PRR16: variants seen among roughly 807,000 people sequenced by gnomAD.
PRR16 encodes the protein protein Largen.
PRR16 carries 6 observed loss-of-function variants against 18.2 expected under a neutral mutation model. The ratio of observed to expected loss-of-function variants is 0.33; its 90% CI spans 0.18 to 0.65. The LOEUF is 0.65. Ranked by LOEUF, PRR16 falls within the 30% of genes least tolerant of loss-of-function variation. The pLI is 0.74. For missense variants in PRR16, 412 were observed against 376.6 expected (o/e 1.09, Z -0.78); for synonymous variants, 151 against 147.8 (o/e 1.02, Z -0.16).
intron 1 of PRR16, among the ~76,000 whole-genome samples, chr5:120,662,415 CAGT>C (rs778227280): frequency 2.2e-4 from 33 of 152,042 alleles, no homozygotes; most frequent in Non-Finnish European, 3.8e-4. Flanking sequence ...ATTAGTTTGT[CAGT>C]AGTACTATTC....
At chr5:120,761,775 A>G in the PRR16 span, among the ~76,000 whole-genome samples, 3 of 152,082 alleles carry the variant, frequency 2.0e-5, no homozygotes, top group Non-Finnish European at 4.4e-5. Flanking sequence ...GTTGTTAACA[A>G]TACTCACCCT....
chr5:120,573,968 T>C (rs1373105874), intron 1 of PRR16, among the ~76,000 whole-genome samples: 2 of 151,886 alleles, frequency 1.3e-5, no homozygotes, highest in East Asian at 3.9e-4. Context: ...GATATAATTC[T>C]AAAAGTGAAC....
At chr5:120,521,514 A>G (rs958004017) in intron 1 of PRR16, among the ~76,000 whole-genome samples, 2 of 151,956 alleles carry the variant, frequency 1.3e-5, no homozygotes, top group Non-Finnish European at 2.9e-5. Context: ...CTTTTTATTT[A>G]TAATTGGCAC....
intron 1 of PRR16, among the ~76,000 whole-genome samples, chr5:120,562,103 C>T (rs907502765): frequency 1.3e-5 from 2 of 152,020 alleles, no homozygotes; most frequent in Non-Finnish European, 2.9e-5. Context: ...ATTATTGTAT[C>T]GAAGTCTATC....
At chr5:120,713,854 C>T in the PRR16 span, among the ~76,000 whole-genome samples, 1 of 151,968 alleles carries the variant, frequency 6.6e-6, no homozygotes, top group Admixed American at 6.6e-5. Flanking sequence ...TTTAGAGTGC[C>T]ATGAAAGCAT....
chr5:120,719,583 G>A, the PRR16 span, among the ~76,000 whole-genome samples: 1 of 152,028 alleles, frequency 6.6e-6, no homozygotes, highest in South Asian at 2.1e-4. Flanking sequence ...TTTTTGAATA[G>A]TACGATGATT....
the PRR16 span, among the ~76,000 whole-genome samples, chr5:120,720,465 T>C: frequency 6.6e-6 from 1 of 152,048 alleles, no homozygotes; most frequent in Admixed American, 6.6e-5. Context: ...ATTCTTGAAA[T>C]GTCAGAGAAT....
At chr5:120,477,547 C>T (rs557525133) in intron 1 of PRR16, among the ~76,000 whole-genome samples, 1 of 152,320 alleles carries the variant, frequency 6.6e-6, no homozygotes, top group South Asian at 2.1e-4. Flanking sequence ...CACTTTATTT[C>T]TCACTTTGAT....
chr5:120,639,381 C>T (rs1225063931), intron 1 of PRR16, among the ~76,000 whole-genome samples: 1 of 151,914 alleles, frequency 6.6e-6, no homozygotes. Flanking sequence ...TCAGGTAAAT[C>T]ATATTCTATT....
intron 1 of PRR16, among the ~76,000 whole-genome samples, chr5:120,503,776 C>G (rs1750547662): frequency 6.7e-6 from 1 of 150,356 alleles, no homozygotes; most frequent in Non-Finnish European, 1.5e-5. Context: ...TCTCCTAATG[C>G]TATCCCTCCC....
intron 1 of PRR16, among the ~76,000 whole-genome samples, chr5:120,533,516 G>A (rs1751618058): frequency 6.6e-6 from 1 of 152,096 alleles, no homozygotes; most frequent in Non-Finnish European, 1.5e-5. Context: ...GCTATTTTCA[G>A]TAGAATAATT....
chr5:120,735,381 AGT>A, the PRR16 span, among the ~76,000 whole-genome samples: 1 of 152,182 alleles, frequency 6.6e-6, no homozygotes, highest in Non-Finnish European at 1.5e-5. Flanking sequence ...TACATTCAAA[AGT>A]GGGGATATAT....
At chr5:120,581,068 A>G (rs760868900) in intron 1 of PRR16, among the ~76,000 whole-genome samples, 21 of 152,246 alleles carry the variant, frequency 1.4e-4, no homozygotes, top group South Asian at 4.1e-4. Flanking sequence ...CTCCTTTTCA[A>G]TTGTTTGGAA....
chr5:120,740,064 C>T, the PRR16 span, among the ~76,000 whole-genome samples: 1 of 152,112 alleles, frequency 6.6e-6, no homozygotes, highest in African/African-American at 2.4e-5. Flanking sequence ...TTTAGCTTAG[C>T]TAGATGAATG....
chr5:120,647,527 A>G, intron 1 of PRR16, among the ~76,000 whole-genome samples: 1 of 151,966 alleles, frequency 6.6e-6, no homozygotes, highest in Admixed American at 6.6e-5. Context: ...TTAGTTTGTC[A>G]CTCTGTATAG....
At chr5:120,580,510 A>G (rs1753236084) in intron 1 of PRR16, among the ~76,000 whole-genome samples, 1 of 141,088 alleles carries the variant, frequency 7.1e-6, no homozygotes, top group Non-Finnish European at 1.5e-5. Flanking sequence ...GCTGGAGTGC[A>G]GTGGTGCGAT....
At chr5:120,679,376 ATTTTG>A (rs772036373) in intron 1 of PRR16, among the ~76,000 whole-genome samples, 1 of 152,076 alleles carries the variant, frequency 6.6e-6, no homozygotes, top group East Asian at 1.9e-4. Context: ...GCTTTCTCTC[ATTTTG>A]TTTTATCTTT....
the PRR16 span, among the ~76,000 whole-genome samples, chr5:120,736,327 C>A: frequency 6.6e-6 from 1 of 152,074 alleles, no homozygotes; most frequent in African/African-American, 2.4e-5. Flanking sequence ...TGCAGTGGTG[C>A]AATCTCGGCT....
intron 1 of PRR16, among the ~76,000 whole-genome samples, chr5:120,538,350 C>G (rs1473628754): frequency 6.6e-6 from 1 of 152,142 alleles, no homozygotes; most frequent in Non-Finnish European, 1.5e-5. Flanking sequence ...AGTTGTATTT[C>G]TATGAGTCAG....
Sources: allele counts gnomAD v4.1 joint callset (sites outside exome capture counted in the v4.1 genomes callset), GRCh38; gene constraint gnomAD v4.1.1; transcripts MANE v1.5; gene names NCBI Gene and HGNC (gene_info 2026-07-23, HGNC 2026-07-21).